PTK2B: variants seen among roughly 807,000 people sequenced by gnomAD.
PTK2B encodes the protein protein-tyrosine kinase 2-beta.
In PTK2B, 71 loss-of-function variants were observed where a neutral mutation model predicts 142.9. The observed-to-expected ratio is 0.50, with a 90% confidence interval of 0.41 to 0.61. PTK2B has a LOEUF of 0.61. Ranked by LOEUF, PTK2B falls within the 20% of genes least tolerant of loss-of-function variation. The pLI is 0.00. For synonymous variants in PTK2B, 519 were observed against 503.4 expected (o/e 1.03, Z -0.42); for missense variants, 1,105 against 1,320.4 (o/e 0.84, Z 2.53).
chr8:27,403,021 T>A (rs1239867401), intron 2 of PTK2B, among the ~76,000 whole-genome samples: 1 of 152,226 alleles, frequency 6.6e-6, no homozygotes, highest in Non-Finnish European at 1.5e-5. Flanking sequence ...AGTGTCCAGT[T>A]GGGAGTCTAA....
intron 1 of PTK2B, among the ~76,000 whole-genome samples, chr8:27,392,864 C>G (rs1807810940): frequency 6.6e-6 from 1 of 152,162 alleles, no homozygotes; most frequent in Admixed American, 6.5e-5. Flanking sequence ...GGCTTTTGAT[C>G]AAACCTATAT....
At chr8:27,385,805 A>G (rs1229206865) in intron 1 of PTK2B, among the ~76,000 whole-genome samples, 2 of 150,344 alleles carry the variant, frequency 1.3e-5, no homozygotes, top group Non-Finnish European at 3.0e-5. Flanking sequence ...AGGCATGAGA[A>G]TCACTTGAAC....
At chr8:27,320,980 C>CTTTTTTT (rs776395346), upstream of PTK2B, among the ~76,000 whole-genome samples, 222 of 39,392 alleles carry the variant, frequency 5.6e-3, 70 homozygotes, top group African/African-American at 7.0e-3. Flanking sequence ...ATACAAAAGG[C>CTTTTTTT]TTTTTTTTTT....
At position 27,442,933 on chromosome 8, in the gene PTK2B, C is replaced by T. The variant is rs756238630; in HGVS notation, c.2098C>T (p.Arg700Ter). The change falls in exon 22 of 31, where the codon CGA (arginine) becomes TGA (stop). Residue 700 changes from arginine (R) to a stop codon, truncating the protein, a stop_gained. Transcript: ENST00000346049. LOFTEE classifies it high-confidence loss of function. Reference sequence around the variant, plus strand: ...GGAGCAAGAGAGGAATGCTCGCTACCGAACCCCCAAAATCTTGGAGCCCAC... The same window carrying T: ...GGAGCAAGAGAGGAATGCTCGCTACTGAACCCCCAAAATCTTGGAGCCCAC... ...AMEQERNARY[R>*]TPKILEPTAF... 4 of 1,614,152 alleles carry T rather than the reference C, an allele frequency of 2.5e-6. No individual in the cohort carries two copies. Among genetic ancestry groups the T allele is most frequent in the Non-Finnish European group, 1.7e-6 (2 of 1,180,006 alleles).
intron 24 of PTK2B, among the ~76,000 whole-genome samples, chr8:27,449,260 G>C (rs991776337): frequency 6.6e-6 from 1 of 152,164 alleles, no homozygotes; most frequent in African/African-American, 2.4e-5. Flanking sequence ...CATAGTAGTT[G>C]CTTAATAAAT....
At chr8:27,415,609 T>G (rs898685044) in intron 2 of PTK2B, among the ~76,000 whole-genome samples, 2 of 152,208 alleles carry the variant, frequency 1.3e-5, no homozygotes, top group East Asian at 3.8e-4. Flanking sequence ...TTGTGGCTTT[T>G]TGCCTGAGAG....
chr8:27,349,804 C>T (rs1311143965), intron 1 of PTK2B, among the ~76,000 whole-genome samples: 1 of 152,240 alleles, frequency 6.6e-6, no homozygotes, highest in Non-Finnish European at 1.5e-5. Context: ...CTAAAACCCC[C>T]TTAAATCCTA....
intron 21 of PTK2B, 75 bp downstream of exon 21, chr8:27,440,516 GT>G: frequency 6.6e-7 from 1 of 1,512,306 alleles, no homozygotes; most frequent in Non-Finnish European, 9.1e-7. Flanking sequence ...ACACAGAGAG[GT>G]TTGCACCACA....
At chr8:27,395,218 G>A (rs555024900) in intron 1 of PTK2B, among the ~76,000 whole-genome samples, 2 of 152,066 alleles carry the variant, frequency 1.3e-5, no homozygotes, top group Admixed American at 1.3e-4. Flanking sequence ...TCTATTCCTG[G>A]CAGTGTGGCG....
At chr8:27,435,888 TC>T in intron 14 of PTK2B, 95 bp downstream of exon 14, 2 of 1,410,042 alleles carry the variant, frequency 1.4e-6, no homozygotes, top group Non-Finnish European at 2.0e-6. Flanking sequence ...ATTCTTTTCC[TC>T]CTTTATCCTC....
At chr8:27,455,504 A>G (rs1248963029) in intron 30 of PTK2B, among the ~76,000 whole-genome samples, 2 of 152,198 alleles carry the variant, frequency 1.3e-5, no homozygotes, top group Admixed American at 1.3e-4. Context: ...AGCCATGGTC[A>G]TACCACTGCA....
chr8:27,375,190 A>G (rs1806593615), intron 1 of PTK2B, among the ~76,000 whole-genome samples: 1 of 152,214 alleles, frequency 6.6e-6, no homozygotes, highest in Admixed American at 6.5e-5. Flanking sequence ...AGGCTGCAGC[A>G]TAGGGAGTTT....
chr8:27,411,025 T>C (rs1320516819), intron 2 of PTK2B, among the ~76,000 whole-genome samples: 1 of 152,212 alleles, frequency 6.6e-6, no homozygotes, highest in African/African-American at 2.4e-5. Flanking sequence ...AAGGTCTTCC[T>C]GTAGCAAAAA....
At chr8:27,404,366 C>T (rs1808575897) in intron 2 of PTK2B, among the ~76,000 whole-genome samples, 1 of 152,208 alleles carries the variant, frequency 6.6e-6, no homozygotes, top group Non-Finnish European at 1.5e-5. Context: ...GGAGTCCTCT[C>T]TCTCAGCCAG....
At chr8:27,352,180 A>G (rs1336423211) in intron 1 of PTK2B, among the ~76,000 whole-genome samples, 1 of 152,136 alleles carries the variant, frequency 6.6e-6, no homozygotes, top group East Asian at 1.9e-4. Context: ...CTAGCTTTCA[A>G]AGTTCTCACC....
intron 24 of PTK2B, among the ~76,000 whole-genome samples, chr8:27,448,985 C>CT (rs1372825273): frequency 6.6e-6 from 1 of 152,214 alleles, no homozygotes; most frequent in Non-Finnish European, 1.5e-5. Context: ...TATTTTCCCT[C>CT]TGAGAGGACA....
chr8:27,420,533 G>C, intron 3 of PTK2B, 124 bp from the exon 4 acceptor site: 1 of 897,336 alleles, frequency 1.1e-6, no homozygotes, highest in South Asian at 1.5e-5. Context: ...GAGTGGCCAC[G>C]AGACTCATGG....
chr8:27,368,234 C>T (rs1230916612), intron 1 of PTK2B, among the ~76,000 whole-genome samples: 5 of 152,230 alleles, frequency 3.3e-5, no homozygotes, highest in Non-Finnish European at 7.3e-5. Flanking sequence ...AAATATCCTG[C>T]TCTCTTTGCT....
At chr8:27,433,359 A>T in intron 10 of PTK2B, 76 bp from the exon 11 acceptor site, 2 of 1,295,438 alleles carry the variant, frequency 1.5e-6, no homozygotes, top group Non-Finnish European at 2.2e-6. Flanking sequence ...GGGTCCTGCC[A>T]TCTCTTCTCC....
Sources: gnomAD v4.1 joint callset for allele counts (sites outside exome capture counted in the v4.1 genomes callset) on GRCh38, gnomAD v4.1.1 for gene constraint, MANE v1.5 for transcripts, NCBI Gene and HGNC (gene_info 2026-07-23, HGNC 2026-07-21) for gene names.